SACM1L: variants seen among roughly 807,000 people sequenced by gnomAD.
SACM1L encodes phosphatidylinositol-3-phosphatase SAC1.
Under a neutral mutation model 89.5 loss-of-function variants are expected in SACM1L, and 32 were observed. The ratio of observed to expected loss-of-function variants is 0.36; its 90% CI spans 0.27 to 0.48. SACM1L has a LOEUF of 0.48. SACM1L is among the 20% of genes least tolerant of loss of function. The pLI, the probability that SACM1L is intolerant of heterozygous loss-of-function variation, is 0.99. For missense variants in SACM1L, 543 were observed against 708.5 expected (o/e 0.77, Z 2.65); for synonymous variants, 213 against 232.8 (o/e 0.92, Z 0.77).
chr3:45,720,643 A>G (rs1698768113), intron 8 of SACM1L, among the ~76,000 whole-genome samples: 1 of 152,074 alleles, frequency 6.6e-6, no homozygotes, highest in Non-Finnish European at 1.5e-5. Flanking sequence ...ACACACAAAC[A>G]CACATACTGT....
At chr3:45,729,556 C>T (rs186371361) in intron 11 of SACM1L, among the ~76,000 whole-genome samples, 4 of 152,230 alleles carry the variant, frequency 2.6e-5, no homozygotes, top group Admixed American at 6.5e-5. Flanking sequence ...TTTTAAAGGA[C>T]GTTTTGCCAG....
At chr3:45,728,214 G>A (rs1698969366) in intron 11 of SACM1L, among the ~76,000 whole-genome samples, 1 of 152,132 alleles carries the variant, frequency 6.6e-6, no homozygotes, top group African/African-American at 2.4e-5. Context: ...ACAGCATGTA[G>A]TTAGATCATA....
intron 9 of SACM1L, 105 bp downstream of exon 9, chr3:45,722,190 T>G: frequency 1.4e-6 from 1 of 707,964 alleles, no homozygotes; most frequent in South Asian, 2.0e-5. Flanking sequence ...TCTGTTCTTA[T>G]GTAATATTTT....
At chr3:45,708,539 T>A (rs1395069820) in intron 4 of SACM1L, among the ~76,000 whole-genome samples, 1 of 152,040 alleles carries the variant, frequency 6.6e-6, no homozygotes, top group Admixed American at 6.5e-5. Flanking sequence ...TGAGTAAAAC[T>A]ACAGGATATG....
chr3:45,702,940 G>A (rs574152938), intron 1 of SACM1L, among the ~76,000 whole-genome samples: 1 of 152,190 alleles, frequency 6.6e-6, no homozygotes, highest in African/African-American at 2.4e-5. Context: ...ATTTCTTACT[G>A]TTTTTAGCTA....
At chr3:45,731,733 C>G (rs1699057425) in intron 12 of SACM1L, among the ~76,000 whole-genome samples, 2 of 152,130 alleles carry the variant, frequency 1.3e-5, no homozygotes, top group South Asian at 2.1e-4. Flanking sequence ...ACTTCACTAC[C>G]ATTTGTTGTG....
chr3:45,741,003 A>C (rs1699301856), intron 19 of SACM1L, among the ~76,000 whole-genome samples: 1 of 152,230 alleles, frequency 6.6e-6, no homozygotes, highest in Non-Finnish European at 1.5e-5. Flanking sequence ...TAAAGCATTT[A>C]AGATTAAAGT....
intron 19 of SACM1L, among the ~76,000 whole-genome samples, chr3:45,742,435 G>A (rs1699335622): frequency 6.6e-6 from 1 of 152,142 alleles, no homozygotes; most frequent in Non-Finnish European, 1.5e-5. Context: ...GAAGGAGTCT[G>A]GATGCTAGTT....
At chr3:45,713,048 C>G (rs1408080070) in intron 5 of SACM1L, 89 bp from the exon 6 acceptor site, 8 of 1,060,894 alleles carry the variant, frequency 7.5e-6, no homozygotes, top group Non-Finnish European at 1.1e-5. Flanking sequence ...TTCTAGCCAT[C>G]AGAAAGAGAC....
At chr3:45,696,998 A>T (rs1484861284) in intron 1 of SACM1L, among the ~76,000 whole-genome samples, 1 of 152,158 alleles carries the variant, frequency 6.6e-6, no homozygotes, top group South Asian at 2.1e-4. Flanking sequence ...TAATACCAGA[A>T]CTGCCTTTGT....
intron 19 of SACM1L, chr3:45,742,837 G>C (rs1337531529): frequency 6.6e-6 from 1 of 152,246 alleles, no homozygotes; most frequent in Non-Finnish European, 1.5e-5. Context: ...GAGATCACCA[G>C]GTTGCCTAAG....
rs545523198 is a variant in SACM1L, at chr3:45,743,095, ATTT to A, written c.1628-434_1628-432del. 152 of 151,658 alleles carry A rather than the reference ATTT, an allele frequency of 1.0e-3. 3 individuals are homozygous for A. The South Asian group carries it at 0.03, about 30-fold the overall frequency. 9.4% of individuals were successfully genotyped at this position (151,658 alleles called of 1,614,324 possible). A position where few individuals can be genotyped will look rare whatever the true frequency, so the allele number is the denominator to read the frequency against. On this transcript the variant is annotated intron_variant, in intron 19 of 19. Transcript: ENST00000389061. ...TTTGGTATTTATGAATATTCTATTA[ATTT>A]TTTGTGCAGGTGTTTTGACAATAGC...
In SACM1L at chr3:45,743,799, C is replaced by A; in HGVS notation, c.*130C>A. ...TTATCCAAAAGCACATCTTGTGCTC[C>A]ATGCAGGATGATGACAGAATTGATC... is the stretch of plus-strand genomic sequence containing the variant. On this transcript the variant is annotated 3_prime_UTR_variant, in exon 20 of 20. Coordinates refer to ENST00000389061, the MANE Select transcript of SACM1L (RefSeq NM_014016.5). The A allele has an allele frequency of 1.1e-6, 1 of 882,660 alleles. No individual in the cohort carries two copies. Among genetic ancestry groups the A allele is most frequent in the Non-Finnish European group, 1.7e-6 (1 of 593,710 alleles). 54.7% of individuals were successfully genotyped at this position (882,660 alleles called of 1,614,324 possible).
chr3:45,714,195 A>AT, intron 7 of SACM1L, 116 bp downstream of exon 7: 1 of 518,208 alleles, frequency 1.9e-6, no homozygotes, highest in East Asian at 3.7e-5. Flanking sequence ...CAGAATTAAT[A>AT]TAAATTGCTG....
chr3:45,703,572 G>A (rs765766161), intron 2 of SACM1L, 37 bp downstream of exon 2: 1 of 1,322,858 alleles, frequency 7.6e-7, no homozygotes, highest in South Asian at 1.2e-5. Flanking sequence ...TAGGGAGAAA[G>A]ATTTTATACA....
chr3:45,732,220 G>A (rs535724956), intron 13 of SACM1L, 69 bp downstream of exon 13: 523 of 833,590 alleles, frequency 6.3e-4, no homozygotes, highest in Admixed American at 2.6e-3. Context: ...TTTATTATGC[G>A]TCATCCAGCA....
intron 5 of SACM1L, among the ~76,000 whole-genome samples, chr3:45,710,016 T>C (rs770359106): frequency 6.6e-6 from 1 of 152,220 alleles, no homozygotes; most frequent in Non-Finnish European, 1.5e-5. Flanking sequence ...TCATTTGTAA[T>C]TTCTTAACTC....
Position 45,738,667 on chromosome 3 carries a change from G to T in SACM1L, c.1472G>T (p.Arg491Ile), listed in dbSNP as rs1333376726. 2 of 1,603,784 alleles carry T rather than the reference G, an allele frequency of 1.2e-6. No homozygotes were observed. The highest frequency in any genetic ancestry group is 1.1e-5 in the South Asian group (1 of 90,838). The change falls in exon 17 of 20, where the codon AGA (arginine) becomes ATA (isoleucine). Residue 491 changes from arginine (R) to isoleucine (I), a missense_variant. Physicochemically the swap from Arg to Ile is moderately conservative, Grantham distance 97 (BLOSUM62 -3). Around this residue, in one of 2 missense-constraint regions of SACM1L, gnomAD observed 370 missense variants for 527.6 expected, o/e 0.70. Coordinates refer to ENST00000389061, the MANE Select transcript of SACM1L (RefSeq NM_014016.5). Reference sequence around the variant, plus strand: ...AAGAACAACTTTTCCGATGGATTTAGACAAGTAAGTTTGTATTTGATGCTT... The same window carrying T: ...AAGAACAACTTTTCCGATGGATTTATACAAGTAAGTTTGTATTTGATGCTT... Reference protein sequence around the residue: ...YYKNNFSDGFRQDSIDLFLGN... With the variant: ...YYKNNFSDGFIQDSIDLFLGN...
intron 7 of SACM1L, among the ~76,000 whole-genome samples, chr3:45,714,466 T>G (rs538568819): frequency 1.4e-3 from 206 of 152,250 alleles, no homozygotes; most frequent in African/African-American, 4.7e-3. Flanking sequence ...CATGGTGGCT[T>G]GCACCTCTAG....
Sources: gnomAD v4.1 joint callset for allele counts (sites outside exome capture counted in the v4.1 genomes callset) on GRCh38, gnomAD v4.1.1 for gene constraint, gnomAD v4.1.1 regional missense constraint, MANE v1.5 for transcripts, NCBI Gene and HGNC (gene_info 2026-07-23, HGNC 2026-07-21) for gene names.